Variants in IQSEC3 observed in about 807,000 individuals in gnomAD.
IQSEC3 encodes IQ motif and Sec7 domain ArfGEF 3.
A neutral mutation model predicts 105.4 loss-of-function variants in IQSEC3; 50 were observed. The ratio of observed to expected loss-of-function variants is 0.47; its 90% CI spans 0.38 to 0.60. The LOEUF (loss-of-function observed/expected upper bound fraction) is 0.60. Among genes scored for constraint, IQSEC3 ranks in the 20% least tolerant of loss-of-function variants. IQSEC3 has a pLI of 0.00. For synonymous variants in IQSEC3, 708 were observed against 746.0 expected, an observed-to-expected ratio of 0.95 and a Z score of 0.83; for missense variants, 1,415 against 1,630.0, an observed-to-expected ratio of 0.87 and a Z score of 2.27.
rs892722748 is a variant in IQSEC3, at chr12:86,383, G to A, written c.555-12763G>A. On this transcript the variant is annotated intron_variant, in intron 1 of 13. Coordinates refer to ENST00000538872, the MANE Select transcript of IQSEC3 (RefSeq NM_001170738.2). The stretch of plus-strand genomic sequence containing the variant: ...CCTATTTCCTAATTGTAACATGGTG[G>A]TATGGGTACAGGCTTTGCTGTCCCC... Among the ~76,000 whole-genome samples the A allele has an allele frequency of 2.0e-5, 3 of 152,282 alleles. No individual in the cohort carries two copies. In the South Asian group the frequency reaches 6.2e-4, roughly 32 times the overall value.
chr12:157,594 C>T lies in IQSEC3; in HGVS notation c.2343C>T (p.Ile781=), dbSNP rs781894750. Residue 781 remains isoleucine (I), a synonymous_variant, in exon 7 of 14, where the codon ATC becomes ATT. Coordinates refer to ENST00000538872, the MANE Select transcript of IQSEC3 (RefSeq NM_001170738.2). ...QQFHNPDTIF[I]LAFAIILLNT... is the part of the protein sequence containing the mutation. ...TCCACAACCCCGACACCATCTTCAT[C>T]CTCGCCTTCGCCATCATCCTCCTCA... 1.2e-6 allele frequency: 2 copies of T among 1,614,226 alleles called. No homozygotes were observed. The highest frequency in any genetic ancestry group is 8.5e-7 in the Non-Finnish European group (1 of 1,180,034).
chr12:123,378 C>T (rs948500581), intron 2 of IQSEC3, among the ~76,000 whole-genome samples: 1 of 152,132 alleles, frequency 6.6e-6, no homozygotes, highest in Non-Finnish European at 1.5e-5. Flanking sequence ...GAGGTTGAGG[C>T]TGCAGTGAGC....
chr12:105,150 C>T (rs1350665018), intron 2 of IQSEC3, among the ~76,000 whole-genome samples: 1 of 152,260 alleles, frequency 6.6e-6, no homozygotes, highest in African/African-American at 2.4e-5. Context: ...TGGCCCCAAG[C>T]TCTGGGTCTC....
chr12:103,481 G>GA (rs1864499658), intron 2 of IQSEC3, among the ~76,000 whole-genome samples: 2 of 104,434 alleles, frequency 1.9e-5, no homozygotes, highest in African/African-American at 3.9e-5. Context: ...GCTCAGGAGG[G>GA]GAGGCGGGGC....
At chr12:94,596 C>G (rs1864188617) in intron 1 of IQSEC3, among the ~76,000 whole-genome samples, 1 of 152,272 alleles carries the variant, frequency 6.6e-6, no homozygotes, top group South Asian at 2.1e-4. Flanking sequence ...GAAGCCCCAA[C>G]AGCACTGCCG....
intron 1 of IQSEC3, among the ~76,000 whole-genome samples, chr12:71,431 T>TG (rs1555067493): frequency 6.6e-6 from 1 of 152,268 alleles, no homozygotes; most frequent in Non-Finnish European, 1.5e-5. Flanking sequence ...TAAACAAGTG[T>TG]AAGTATATTG....
chr12:86,938 G>A (rs1173448905), intron 1 of IQSEC3, among the ~76,000 whole-genome samples: 29 of 151,914 alleles, frequency 1.9e-4, no homozygotes, highest in Non-Finnish European at 8.8e-5. Context: ...GTGAAATTGT[G>A]CTCTCTCCTG....
chr12:75,909 G>C (rs1555068907), intron 1 of IQSEC3, among the ~76,000 whole-genome samples: 1 of 152,248 alleles, frequency 6.6e-6, no homozygotes, highest in Non-Finnish European at 1.5e-5. Context: ...CTTCAGGCTG[G>C]TTGGGGTGTG....
chr12:105,389 G>C (rs4980966), intron 2 of IQSEC3, among the ~76,000 whole-genome samples: 45,586 of 151,826 alleles, frequency 0.3, 7,396 homozygotes, highest in Non-Finnish European at 0.37. Context: ...GGACAGAGTG[G>C]CACCTGCACA....
Position 122,751 on chromosome 12 carries a change from G to A in IQSEC3, c.624-2882G>A, listed in dbSNP as rs542520467. Among the ~76,000 whole-genome samples, 84 of 152,296 alleles carry A rather than the reference G, an allele frequency of 5.5e-4. 1 individual carries two copies. The South Asian group carries it at 0.012, about 21-fold the overall frequency. ...TGCAACAACCCCGTTGTCATTGGCCGAGTGCTGCCATCAAGGGACGTCGGC... is the reference window on the plus strand; with the variant it reads ...TGCAACAACCCCGTTGTCATTGGCCAAGTGCTGCCATCAAGGGACGTCGGC... On this transcript the variant is annotated intron_variant, in intron 2 of 13. Transcript: ENST00000538872.
chr12:84,465 T>C (rs1024917808), intron 1 of IQSEC3, among the ~76,000 whole-genome samples: 2 of 152,244 alleles, frequency 1.3e-5, no homozygotes, highest in East Asian at 1.9e-4. Flanking sequence ...TGTGAGAATA[T>C]GTATGTGTGT....
At chr12:83,458 C>T (rs1863815460) in intron 1 of IQSEC3, among the ~76,000 whole-genome samples, 1 of 151,884 alleles carries the variant, frequency 6.6e-6, no homozygotes, top group Non-Finnish European at 1.5e-5. Flanking sequence ...GAAGAGAAGT[C>T]CTCACTTAGG....
At position 152,286 on chromosome 12, in the gene IQSEC3, C is replaced by T. The variant is rs963804452; in HGVS notation, c.2154-4739C>T. Among the ~76,000 whole-genome samples, 13 of 152,218 alleles carry T rather than the reference C, an allele frequency of 8.5e-5. No individual in the cohort carries two copies. Among genetic ancestry groups the T allele is most frequent in the African/African-American group, 3.1e-4 (13 of 41,456 alleles). On this transcript the variant is annotated intron_variant, in intron 5 of 13. Coordinates refer to ENST00000538872, the MANE Select transcript of IQSEC3 (RefSeq NM_001170738.2). The surrounding 1 kb of genome is among the most constrained non-coding windows in gnomAD (Gnocchi z 4.8). ...CCACAGAGCCCCCGTGCTGACTGCC[C>T]ACGCATGCACCAAGAGGCTCTCCTG...
At position 165,281 on chromosome 12, in the gene IQSEC3, A is replaced by G. The variant is rs1222736376; in HGVS notation, c.2710-153A>G. 15 of 651,580 alleles carry G rather than the reference A, an allele frequency of 2.3e-5. No homozygotes were observed. The African/African-American group carries it at 2.7e-4, about 12-fold the overall frequency. 40.4% of individuals were successfully genotyped at this position (651,580 alleles called of 1,614,324 possible). On this transcript the variant is annotated intron_variant, in intron 9 of 13. Transcript: ENST00000538872. ...GTGCAGTGAAGAAGCACATTTTGGG[A>G]TAGTGTGTGCACATATATGTATATC...
At chr12:146,517 G>T (rs2137018903) in intron 5 of IQSEC3, among the ~76,000 whole-genome samples, 1 of 152,072 alleles carries the variant, frequency 6.6e-6, no homozygotes, top group Non-Finnish European at 1.5e-5. Context: ...GTGGTGGCGG[G>T]CACCTGTGGT....
chr12:165,943 A>G, intron 11 of IQSEC3, 53 bp downstream of exon 11: 2 of 1,589,546 alleles, frequency 1.3e-6, no homozygotes, highest in Non-Finnish European at 1.7e-6. Context: ...TCAGCAAGGG[A>G]CAGGGGCAGC....
Position 66,816 on chromosome 12 carries a change from C to A in IQSEC3, c.-67C>A. On this transcript the variant is annotated 5_prime_UTR_variant, in exon 1 of 14. Coordinates refer to ENST00000538872, the MANE Select transcript of IQSEC3 (RefSeq NM_001170738.2). ...GCGAGCCGACCGCTGGGCTGCTGGG[C>A]TCCCGCGCCCTCGCGCTCCCCGCCG... 7.6e-7 allele frequency: 1 copy of A among 1,316,742 alleles called. No individual in the cohort carries two copies. The highest frequency in any genetic ancestry group is 9.6e-7 in the Non-Finnish European group (1 of 1,037,324). 81.6% of individuals were successfully genotyped at this position (1,316,742 alleles called of 1,614,324 possible). A position where few individuals can be genotyped will look rare whatever the true frequency, so the allele number is the denominator to read the frequency against.
At chr12:77,352 C>G (rs1591628912) in intron 1 of IQSEC3, 1 of 920,204 alleles carries the variant, frequency 1.1e-6, no homozygotes, top group East Asian at 1.2e-4. Flanking sequence ...CTCTCTCACA[C>G]ACCCCCAGCT....
intron 1 of IQSEC3, among the ~76,000 whole-genome samples, chr12:82,124 C>G (rs2136885343): frequency 1.3e-5 from 2 of 152,292 alleles, no homozygotes; most frequent in Middle Eastern, 6.8e-3. Flanking sequence ...TGGAACTAGA[C>G]ATTTTTAAGA....
Sources: allele counts gnomAD v4.1 joint callset (sites outside exome capture counted in the v4.1 genomes callset), GRCh38; gene constraint gnomAD v4.1.1; non-coding constraint Gnocchi (gnomAD v3.1); transcripts MANE v1.5; gene names NCBI Gene and HGNC (gene_info 2026-07-23, HGNC 2026-07-21).